The following ST6GALNAC1 variants were observed in gnomAD, a reference collection of about 807,000 sequenced individuals.
ST6GALNAC1 encodes alpha-N-acetylgalactosaminide alpha-2,6-sialyltransferase 1.
A neutral mutation model predicts 56.8 loss-of-function variants in ST6GALNAC1; 45 were observed. The observed-to-expected ratio is 0.79, with a 90% CI of 0.62 to 1.02. The LOEUF is 1.02. Among genes scored for constraint, ST6GALNAC1 ranks in the 50% least tolerant of loss-of-function variants. The pLI, the probability that ST6GALNAC1 is intolerant of heterozygous loss-of-function variation, is 0.00. For missense variants in ST6GALNAC1, 743 were observed against 754.8 expected (o/e 0.98, Z 0.18); for synonymous variants, 295 against 297.8 (o/e 0.99, Z 0.10).
intron 8 of ST6GALNAC1, 112 bp downstream of exon 8, chr17:76,625,707 T>C (rs1207769655): frequency 8.5e-7 from 1 of 1,175,472 alleles, no homozygotes; most frequent in African/African-American, 1.6e-5. Context: ...GCCCACCCTC[T>C]TTCCCAGCAG....
chr17:76,642,605 C>A (rs2076062906), intron 1 of ST6GALNAC1, among the ~76,000 whole-genome samples: 1 of 152,066 alleles, frequency 6.6e-6, no homozygotes, highest in Admixed American at 6.6e-5. Flanking sequence ...TCTATGAGAA[C>A]CTGCATTACT....
Position 76,643,605 on chromosome 17 carries a change from T to C in ST6GALNAC1, c.34A>G (p.Ser12Gly). ...RSCLWRCRHLSQGVQWSLLLA... is the reference protein window; with the variant it reads ...RSCLWRCRHLGQGVQWSLLLA... Reference sequence around the variant, plus strand: ...AGCAAGGACCACTGGACGCCTTGGCTCAGGTGCCTGCATCTCCACAGGCAG... The same window carrying C: ...AGCAAGGACCACTGGACGCCTTGGCCCAGGTGCCTGCATCTCCACAGGCAG... Residue 12 changes from serine to glycine, a missense_variant, in exon 1 of 9, where the codon AGC becomes GGC. Transcript: ENST00000156626. 2 of 1,614,102 alleles carry C rather than the reference T, an allele frequency of 1.2e-6. No individual in the cohort carries two copies. Among genetic ancestry groups the C allele is most frequent in the Non-Finnish European group, 1.7e-6 (2 of 1,179,978 alleles).
rs758281499 is a variant in ST6GALNAC1 at position 76,629,038 on chromosome 17, T to C, written c.805A>G (p.Ser269Gly). Residue 269 changes from serine (S) to glycine (G), a missense_variant, in exon 2 of 9, where the codon AGC becomes GGC. By Grantham distance (56) the Ser-to-Gly change is moderately conservative (BLOSUM62 0). Transcript: ENST00000156626. ...EPRWDFEEKY[S>G]FEIGGLQTTC... ...GTCTGAAGGCCTCCTATTTCGAAGC[T>C]GTATTTTTCCTCAAAATCCCACCGA... 6.5e-7 allele frequency: 1 copy of C among 1,538,370 alleles called. No individual in the cohort carries two copies. Among genetic ancestry groups the C allele is most frequent in the Non-Finnish European group, 8.7e-7 (1 of 1,144,100 alleles).
the ST6GALNAC1 span, among the ~76,000 whole-genome samples, chr17:76,618,139 T>C: frequency 6.6e-6 from 1 of 152,236 alleles, no homozygotes; most frequent in Non-Finnish European, 1.5e-5. Flanking sequence ...CACATTTTTA[T>C]GTGTTCACAG....
chr17:76,625,695 A>C (rs2075787129), intron 8 of ST6GALNAC1, 124 bp downstream of exon 8: 5 of 1,145,536 alleles, frequency 4.4e-6, no homozygotes, highest in Non-Finnish European at 4.9e-6. Context: ...ACCCATACTC[A>C]TGCCCACCCT....
At chr17:76,631,118 T>G (rs916277125) in intron 1 of ST6GALNAC1, among the ~76,000 whole-genome samples, 1 of 150,358 alleles carries the variant, frequency 6.7e-6, no homozygotes, top group African/African-American at 2.4e-5. Context: ...CGAGCACTTG[T>G]GTGTGTTTAG....
Position 76,625,857 on chromosome 17 carries a change from C to T in ST6GALNAC1, c.1567G>A (p.Ala523Thr). 1 of 1,545,928 alleles carries T rather than the reference C, an allele frequency of 6.5e-7. No individual in the cohort carries two copies. The highest frequency in any genetic ancestry group is 1.3e-5 in the South Asian group (1 of 79,390). Residue 523 changes from alanine (A) to threonine (T), a missense_variant, in exon 8 of 9, where the codon GCC becomes ACC. Transcript: ENST00000156626. Reference sequence around the variant, plus strand: ...TGAAGGGCAGTGAGCAGCAGGAGGGCCCCAGTGGTGGGGCGGTATATCCTC... The same window carrying T: ...TGAAGGGCAGTGAGCAGCAGGAGGGTCCCAGTGGTGGGGCGGTATATCCTC... ...HWRIYRPTTG[A>T]LLLLTALQLC...
intron 1 of ST6GALNAC1, among the ~76,000 whole-genome samples, chr17:76,639,638 AAC>A (rs55706272): frequency 0.025 from 3,145 of 125,050 alleles, 77 homozygotes; most frequent in African/African-American, 0.064. Flanking sequence ...TTACATGATA[AAC>A]ACACACACAC....
rs990834017 is a variant in ST6GALNAC1 at position 76,629,791 on chromosome 17, T to G, written c.132-80A>C. 78 of 1,195,214 alleles carry G rather than the reference T, an allele frequency of 6.5e-5. 1 individual carries two copies. The East Asian group carries it at 7.3e-4, about 11-fold the overall frequency. 74.0% of individuals were successfully genotyped at this position (1,195,214 alleles called of 1,614,324 possible). On this transcript the variant is annotated intron_variant, in intron 1 of 8. Transcript: ENST00000156626. Reference sequence around the variant, plus strand: ...AGCATAAGTAGTTTTTTGTTTTTTTTTTTTTTTTTGAGACACAGTCTTGCT... The same window carrying G: ...AGCATAAGTAGTTTTTTGTTTTTTTGTTTTTTTTTGAGACACAGTCTTGCT...
downstream of ST6GALNAC1, among the ~76,000 whole-genome samples, chr17:76,624,231 GTTTA>G (rs941346787): frequency 1.3e-5 from 2 of 151,812 alleles, no homozygotes; most frequent in African/African-American, 2.4e-5. Flanking sequence ...TTATTTATTT[GTTTA>G]TTTATTTATT....
chr17:76,630,075 C>T (rs1324659275), intron 1 of ST6GALNAC1, among the ~76,000 whole-genome samples: 3 of 152,036 alleles, frequency 2.0e-5, no homozygotes, highest in Admixed American at 1.3e-4. Context: ...TGTGAGCCAC[C>T]GTGCCTGGCC....
chr17:76,627,019 G>A lies in ST6GALNAC1; in HGVS notation c.1172+48C>T, dbSNP rs773870222. 1.1e-5 allele frequency: 17 copies of A among 1,519,118 alleles called. No individual in the cohort carries two copies. The highest frequency in any genetic ancestry group is 1.3e-5 in the Non-Finnish European group (15 of 1,132,630). The allele number at this position is 1,519,118 out of a possible 1,614,324, so 94.1% of individuals were successfully genotyped here. A position where few individuals can be genotyped will look rare whatever the true frequency, so the allele number is the denominator to read the frequency against. ...AGAGAGGGGCTGGAGGGGGGCTGGA[G>A]GGGGCAGGAGAGGGGCTGGAGAGGG... On this transcript the variant is annotated intron_variant, in intron 4 of 8. Coordinates refer to ENST00000156626, the MANE Select transcript of ST6GALNAC1 (RefSeq NM_018414.5). This position sits in a 1 kb window ranked among gnomAD's most constrained non-coding sequence, Gnocchi z 4.4.
chr17:76,619,927 A>C (rs1396973289), downstream of ST6GALNAC1, among the ~76,000 whole-genome samples: 2 of 151,886 alleles, frequency 1.3e-5, no homozygotes, highest in Non-Finnish European at 2.9e-5. Context: ...TATTTTTAGT[A>C]GTGACAGGGT....
chr17:76,618,108 CTTAATG>C, the ST6GALNAC1 span, among the ~76,000 whole-genome samples: 8 of 152,182 alleles, frequency 5.3e-5, no homozygotes, highest in African/African-American at 1.2e-4. Context: ...GTTCTATGTC[CTTAATG>C]TTAATGAACA....
chr17:76,625,731 GC>G, intron 8 of ST6GALNAC1, 87 bp downstream of exon 8: 1 of 1,264,672 alleles, frequency 7.9e-7, no homozygotes, highest in South Asian at 1.5e-5. Flanking sequence ...TGGGCACCCA[GC>G]CCATGCACTG....
At chr17:76,633,127 C>T (rs113880160) in intron 1 of ST6GALNAC1, among the ~76,000 whole-genome samples, 16,459 of 151,920 alleles carry the variant, frequency 0.11, 1,033 homozygotes, top group African/African-American at 0.16. Flanking sequence ...GAGAGTTGCT[C>T]GAACCTGGGC....
chr17:76,636,018 T>G (rs8067106), intron 1 of ST6GALNAC1, among the ~76,000 whole-genome samples: 9,272 of 152,198 alleles, frequency 0.061, 505 homozygotes, highest in African/African-American at 0.14. Flanking sequence ...AAGTGAACTT[T>G]TATGAATTAT....
downstream of ST6GALNAC1, among the ~76,000 whole-genome samples, chr17:76,624,331 A>AC (rs1295661373): frequency 6.6e-6 from 1 of 151,632 alleles, no homozygotes; most frequent in African/African-American, 2.4e-5. Context: ...GCTCACTGCA[A>AC]CTCTGCCCCC....
intron 1 of ST6GALNAC1, 69 bp from the exon 2 acceptor site, chr17:76,629,780 TTTG>T: frequency 5.8e-6 from 7 of 1,211,552 alleles, no homozygotes; most frequent in East Asian, 2.4e-5. Flanking sequence ...TAAGTAGTTT[TTTG>T]TTTTTTTTTT....
Sources: gnomAD v4.1 joint callset for allele counts (sites outside exome capture counted in the v4.1 genomes callset) on GRCh38, gnomAD v4.1.1 for gene constraint, Gnocchi (gnomAD v3.1) non-coding constraint, MANE v1.5 for transcripts, NCBI Gene and HGNC (gene_info 2026-07-23, HGNC 2026-07-21) for gene names.